Variants in IGF1R observed in about 807,000 individuals in gnomAD.
IGF1R encodes insulin-like growth factor 1 receptor.
In IGF1R, 44 loss-of-function variants were observed where a neutral mutation model predicts 144.6. The observed-to-expected ratio is 0.30, with a 90% confidence interval of 0.24 to 0.39. IGF1R has a LOEUF of 0.39. Ranked by LOEUF, IGF1R falls within the 10% of genes least tolerant of loss-of-function variation. The probability of loss-of-function intolerance (pLI) is 1.00; values close to 1 mark genes in which losing one functional copy is unlikely to be tolerated. For missense variants in IGF1R, 1,355 were observed against 1,833.7 expected (o/e 0.74, Z 4.77); for synonymous variants, 795 against 722.8 (o/e 1.10, Z -1.60).
intron 2 of IGF1R, among the ~76,000 whole-genome samples, chr15:98,834,922 G>A (rs1478496236): frequency 6.6e-6 from 1 of 152,042 alleles, no homozygotes; most frequent in African/African-American, 2.4e-5. Context: ...GATTTTTGTG[G>A]GTCCAGGGCA....
rs35707888 is a variant in IGF1R at position 98,884,683 on chromosome 15, CAAAAAAA to C, written c.641-6627_641-6621del. 1.4e-4 allele frequency among the ~76,000 whole-genome samples: 11 copies of C among 80,252 alleles called. No individual in the cohort carries two copies. The South Asian group carries it at 1.5e-3, about 11-fold the overall frequency. The allele number at this position is 80,252 out of a possible 152,430, so 52.6% of individuals were successfully genotyped here. The stretch of plus-strand genomic sequence containing the variant: ...CTGGTGACAGAGTGACACTCCGTCT[CAAAAAAA>C]AAAAAAAAAAAAAAGAAATTCTGTA... On this transcript the variant is annotated intron_variant, in intron 2 of 20. Coordinates refer to ENST00000650285, the MANE Select transcript of IGF1R (RefSeq NM_000875.5).
intron 2 of IGF1R, chr15:98,784,308 T>G (rs1229919402): frequency 6.6e-6 from 1 of 152,378 alleles, no homozygotes; most frequent in Non-Finnish European, 1.5e-5. Flanking sequence ...GATATTCTTC[T>G]CATGGCAGTA....
At chr15:98,904,561 A>G (rs1161955291) in intron 5 of IGF1R, among the ~76,000 whole-genome samples, 4 of 152,138 alleles carry the variant, frequency 2.6e-5, no homozygotes, top group African/African-American at 9.7e-5. Context: ...CTGTTTGCAG[A>G]TGGATTGGTG....
chr15:98,815,913 C>T (rs1209508868), intron 2 of IGF1R, among the ~76,000 whole-genome samples: 1 of 152,190 alleles, frequency 6.6e-6, no homozygotes, highest in Non-Finnish European at 1.5e-5. Context: ...AGACCTGTTA[C>T]ATTGATTCTC....
chr15:98,950,879 A>G (rs955634174), intron 20 of IGF1R, among the ~76,000 whole-genome samples: 3 of 152,208 alleles, frequency 2.0e-5, no homozygotes, highest in Non-Finnish European at 4.4e-5. Context: ...TCCCTAATCA[A>G]ACAATCAAGG....
At chr15:98,789,780 G>C (rs12441649) in intron 2 of IGF1R, among the ~76,000 whole-genome samples, 129,280 of 152,096 alleles carry the variant, frequency 0.85, 57,295 homozygotes, top group Non-Finnish European at 0.97. Flanking sequence ...TGAACCCAGG[G>C]CCCTTTCATG....
Position 98,891,495 on chromosome 15 carries a change from T to A in IGF1R, c.811T>A (p.Phe271Ile), listed in dbSNP as rs1375960954. ...TGCCTGCCCGCCCAACACCTACAGG[T>A]TTGAGGGCTGGCGCTGTGTGGACCG... Reference protein sequence around the residue: ...VPACPPNTYRFEGWRCVDRDF... With the variant: ...VPACPPNTYRIEGWRCVDRDF... Residue 271 changes from phenylalanine to isoleucine, a missense_variant, in exon 3 of 21, where the codon TTT (phenylalanine) becomes ATT (isoleucine). By Grantham distance (21) the Phe-to-Ile change is conservative. Transcript: ENST00000650285. This position sits in a 1 kb window ranked among gnomAD's most constrained non-coding sequence, Gnocchi z 4.7. 1 of 1,613,748 alleles carries A rather than the reference T, an allele frequency of 6.2e-7. No homozygotes were observed. The highest frequency in any genetic ancestry group is 8.5e-7 in the Non-Finnish European group (1 of 1,180,008).
At chr15:98,654,413 A>G (rs1249406843) in intron 1 of IGF1R, among the ~76,000 whole-genome samples, 7 of 152,226 alleles carry the variant, frequency 4.6e-5, no homozygotes, top group Non-Finnish European at 8.8e-5. Flanking sequence ...AACTTATTTC[A>G]GAAGTTTTCT....
At chr15:98,805,292 A>G (rs2056447826) in intron 2 of IGF1R, among the ~76,000 whole-genome samples, 1 of 151,944 alleles carries the variant, frequency 6.6e-6, no homozygotes, top group South Asian at 2.1e-4. Flanking sequence ...TCTCCTCCCC[A>G]TCCCACACGC....
intron 2 of IGF1R, among the ~76,000 whole-genome samples, chr15:98,804,685 C>A (rs191998998): frequency 6.6e-6 from 1 of 152,130 alleles, no homozygotes; most frequent in Admixed American, 6.6e-5. Flanking sequence ...CCTGCTAATC[C>A]GTTTACTGGA....
chr15:98,881,513 G>A (rs1320233372), intron 2 of IGF1R, among the ~76,000 whole-genome samples: 3 of 152,126 alleles, frequency 2.0e-5, no homozygotes, highest in Non-Finnish European at 4.4e-5. Flanking sequence ...AGTAGAGATC[G>A]GCTTTCACCA....
In IGF1R at chr15:98,785,482, G is replaced by A. The variant is rs1225563647; in HGVS notation, c.640+77375G>A. On this transcript the variant is annotated intron_variant, in intron 2 of 20. Coordinates refer to ENST00000650285, the MANE Select transcript of IGF1R (RefSeq NM_000875.5). ...CAGGTAATCCAGAGTTAAAAATAAT[G>A]TTCATAAGGAAGGGTAGCAAAATTT... Among the ~76,000 whole-genome samples the A allele has an allele frequency of 9.2e-5, 14 of 152,162 alleles. 1 individual carries two copies. Among genetic ancestry groups the A allele is most frequent in the Admixed American group, 9.2e-4 (14 of 15,280 alleles).
At position 98,649,346 on chromosome 15, in the gene IGF1R, C is replaced by T. The variant is rs1265184163; in HGVS notation, c.-236C>T. 8.9e-6 allele frequency: 2 copies of T among 224,596 alleles called. No individual in the cohort carries two copies. The highest frequency in any genetic ancestry group is 1.7e-5 in the Non-Finnish European group (2 of 115,804). 13.9% of individuals were successfully genotyped at this position (224,596 alleles called of 1,614,324 possible). A position where few individuals can be genotyped will look rare whatever the true frequency, so the allele number is the denominator to read the frequency against. The stretch of plus-strand genomic sequence containing the variant: ...CTCGGGTTCCCGACTCCGCCGAGCC[C>T]TGGGCCGCTGCTGCCGGCGCTGAGG... On this transcript the variant is annotated 5_prime_UTR_variant, in exon 1 of 21. Transcript: ENST00000650285.
rs147969557 is a variant in IGF1R, at chr15:98,922,188, A to G, written c.2242A>G (p.Thr748Ala). 4.3e-6 allele frequency: 7 copies of G among 1,614,068 alleles called. No homozygotes were observed. The African/African-American group carries it at 8.0e-5, about 18-fold the overall frequency. The change falls in exon 11 of 21, where the codon ACC becomes GCC. Residue 748 changes from threonine (T) to alanine (A), a missense_variant. Thr to Ala is a moderately conservative substitution (Grantham distance 58, BLOSUM62 0). Around this residue, in one of 7 missense-constraint regions of IGF1R, gnomAD observed 880 missense variants for 1,202.7 expected, o/e 0.73. Coordinates refer to ENST00000650285, the MANE Select transcript of IGF1R (RefSeq NM_000875.5). ...KRRDVMQVAN[T>A]TMSSRSRNTT... The stretch of plus-strand genomic sequence containing the variant: ...GAGAGATGTCATGCAAGTGGCCAAC[A>G]CCACCATGTCCAGCCGAAGCAGGAA...
At chr15:98,828,652 C>A (rs2056942863) in intron 2 of IGF1R, among the ~76,000 whole-genome samples, 1 of 152,054 alleles carries the variant, frequency 6.6e-6, no homozygotes, top group African/African-American at 2.4e-5. Flanking sequence ...ACCCCAACTT[C>A]TTTGCCAAGA....
At chr15:98,842,038 G>A (rs2011183474) in intron 2 of IGF1R, among the ~76,000 whole-genome samples, 1 of 152,140 alleles carries the variant, frequency 6.6e-6, no homozygotes, top group African/African-American at 2.4e-5. Flanking sequence ...TTTTGCTTTT[G>A]TTTTTCCCTG....
chr15:98,785,151 G>T (rs948133734), intron 2 of IGF1R, among the ~76,000 whole-genome samples: 1 of 152,174 alleles, frequency 6.6e-6, no homozygotes, highest in Non-Finnish European at 1.5e-5. Flanking sequence ...GACTTGATTG[G>T]TTAGTGCCTT....
intron 1 of IGF1R, among the ~76,000 whole-genome samples, chr15:98,675,826 C>CTTTTTTTTTTTTTTT (rs869068918): frequency 4.3e-5 from 2 of 46,150 alleles, no homozygotes; most frequent in African/African-American, 9.6e-5. Context: ...TTCTTTCTTT[C>CTTTTTTTTTTTTTTT]TTTTTTTTTT....
intron 2 of IGF1R, among the ~76,000 whole-genome samples, chr15:98,869,524 C>G (rs1042126605): frequency 6.6e-6 from 1 of 151,982 alleles, no homozygotes; most frequent in Non-Finnish European, 1.5e-5. Context: ...CAACCTCCAC[C>G]TCTCGGGTTC....
Sources: gnomAD v4.1 joint callset for allele counts (sites outside exome capture counted in the v4.1 genomes callset) on GRCh38, gnomAD v4.1.1 for gene constraint, gnomAD v4.1.1 regional missense constraint, Gnocchi (gnomAD v3.1) non-coding constraint, MANE v1.5 for transcripts, NCBI Gene and HGNC (gene_info 2026-07-23, HGNC 2026-07-21) for gene names.